The following SPTB variants were observed in gnomAD, a reference collection of about 807,000 sequenced individuals.
SPTB encodes the protein spectrin beta, erythrocytic, also known as spectrin beta chain, erythrocytic.
In SPTB, 45 loss-of-function variants were observed where a neutral mutation model predicts 256.2. The observed-to-expected ratio is 0.18, with a 90% CI of 0.14 to 0.23. SPTB has a LOEUF of 0.23. Among genes scored for constraint, SPTB ranks in the 10% least tolerant of loss-of-function variants. The pLI, the probability that SPTB is intolerant of heterozygous loss-of-function variation, is 1.00. For missense variants in SPTB, 2,715 were observed against 3,040.4 expected (o/e 0.89, Z 2.52); for synonymous variants, 1,231 against 1,243.1 (o/e 0.99, Z 0.21).
intron 1 of SPTB, among the ~76,000 whole-genome samples, chr14:64,876,652 C>T (rs970059283): frequency 3.3e-5 from 5 of 152,172 alleles, no homozygotes; most frequent in Non-Finnish European, 7.3e-5. Flanking sequence ...AAAATGTATA[C>T]ATGTGTACAC....
chr14:64,796,521 C>G lies in SPTB; in HGVS notation c.1341+36G>C. On this transcript the variant is annotated intron_variant, in intron 11 of 35. Transcript: ENST00000644917. The surrounding 1 kb of genome is among the most constrained non-coding windows in gnomAD (Gnocchi z 4.1). Reference sequence around the variant, plus strand: ...AAGAGCTGGGGGCTCTGAAGAATGTCCCCTCTCCTGTCACCCAAAGCATGT... The same window carrying G: ...AAGAGCTGGGGGCTCTGAAGAATGTGCCCTCTCCTGTCACCCAAAGCATGT... The G allele has an allele frequency of 6.2e-7, 1 of 1,613,848 alleles. No homozygotes were observed. The highest frequency in any genetic ancestry group is 8.5e-7 in the Non-Finnish European group (1 of 1,179,996).
Position 64,779,195 on chromosome 14 carries a change from T to C in SPTB, c.4525A>G (p.Asn1509Asp). Residue 1509 changes from asparagine to aspartate, a missense_variant, in exon 22 of 36, where the codon AAT becomes GAT. Around this residue, in one of 4 missense-constraint regions of SPTB, gnomAD observed 2,239 missense variants for 2,384.4 expected, o/e 0.94. Coordinates refer to ENST00000644917, the MANE Select transcript of SPTB (RefSeq NM_001355436.2). The surrounding 1 kb of genome is among the most constrained non-coding windows in gnomAD (Gnocchi z 4.2). Reference sequence around the variant, plus strand: ...ATGAACAGTTGCACAGTTTGCAGATTAGTGCCATAGTCGGCTGACTGGGCC... The same window carrying C: ...ATGAACAGTTGCACAGTTTGCAGATCAGTGCCATAGTCGGCTGACTGGGCC... ...PLAQSADYGTNLQTVQLFMKK... is the reference protein window; with the variant it reads ...PLAQSADYGTDLQTVQLFMKK... 10 of 1,614,040 alleles carry C rather than the reference T, an allele frequency of 6.2e-6. No homozygotes were observed. Among genetic ancestry groups the C allele is most frequent in the Non-Finnish European group, 8.5e-6 (10 of 1,179,982 alleles).
In SPTB at chr14:64,782,653, TA is replaced by T; in HGVS notation, c.4003-101del. On this transcript the variant is annotated intron_variant, in intron 19 of 35. Coordinates refer to ENST00000644917, the MANE Select transcript of SPTB (RefSeq NM_001355436.2). ...AAGAGGCTACCCAAGAGGAGGTCAGTAAGGCAAAGAATCTTCATAGAACATG... is the reference window on the plus strand; with the variant it reads ...AAGAGGCTACCCAAGAGGAGGTCAGTAGGCAAAGAATCTTCATAGAACATG... The T allele has an allele frequency of 4.5e-6, 7 of 1,541,152 alleles. No individual in the cohort carries two copies. The South Asian group carries it at 7.9e-5, about 17-fold the overall frequency.
chr14:64,814,743 C>T (rs1299570905), intron 2 of SPTB, among the ~76,000 whole-genome samples: 1 of 152,180 alleles, frequency 6.6e-6, no homozygotes, highest in Non-Finnish European at 1.5e-5. Flanking sequence ...TCTCGAGCTC[C>T]TGGCCTCCCC....
intron 1 of SPTB, among the ~76,000 whole-genome samples, chr14:64,828,534 G>A (rs1336361065): frequency 1.3e-5 from 2 of 152,072 alleles, no homozygotes; most frequent in Non-Finnish European, 2.9e-5. Context: ...AGTAATTGTG[G>A]GTTTTGCCAT....
Position 64,802,436 on chromosome 14 carries a change from T to C in SPTB, c.475-119A>G, listed in dbSNP as rs2082904143. The stretch of plus-strand genomic sequence containing the variant: ...CTTCACTTAACACTAATTCATCCTT[T>C]AAGAGCCAGTATAAATGGCGCTTGG... On this transcript the variant is annotated intron_variant, in intron 4 of 35. Transcript: ENST00000644917. This position sits in a 1 kb window ranked among gnomAD's most constrained non-coding sequence, Gnocchi z 5.1. The C allele has an allele frequency of 1.1e-6, 1 of 927,818 alleles. No homozygotes were observed. The highest frequency in any genetic ancestry group is 1.7e-6 in the Non-Finnish European group (1 of 585,252). 57.5% of individuals were successfully genotyped at this position (927,818 alleles called of 1,614,324 possible). A position where few individuals can be genotyped will look rare whatever the true frequency, so the allele number is the denominator to read the frequency against.
chr14:64,796,991 T>C lies in SPTB; in HGVS notation c.1183-276A>G, dbSNP rs981512741. ...CCCAAAATAATGTTTTTCACCTCTC[T>C]GGATGCTCAGTAAGTTCTTATTGAC... On this transcript the variant is annotated intron_variant, in intron 10 of 35. Coordinates refer to ENST00000644917, the MANE Select transcript of SPTB (RefSeq NM_001355436.2). The surrounding 1 kb of genome is among the most constrained non-coding windows in gnomAD (Gnocchi z 4.1). 6.6e-6 allele frequency among the ~76,000 whole-genome samples: 1 copy of C among 152,222 alleles called. No individual in the cohort carries two copies. The highest frequency in any genetic ancestry group is 2.4e-5 in the African/African-American group (1 of 41,460).
Position 64,749,205 on chromosome 14 carries a change from TC to T in SPTB, c.*100del, listed in dbSNP as rs2081900768. ...CCGGGGGCCCGGCCCGCGACTCGAC[TC>T]ATCTCGATTCGACCGGCGGGCGGCG... On this transcript the variant is annotated 3_prime_UTR_variant, in exon 36 of 36. Transcript: ENST00000644917. This position sits in a 1 kb window ranked among gnomAD's most constrained non-coding sequence, Gnocchi z 4.7. 7.0e-7 allele frequency: 1 copy of T among 1,420,364 alleles called. No individual in the cohort carries two copies. Among genetic ancestry groups the T allele is most frequent in the Admixed American group, 2.0e-5 (1 of 49,418 alleles). 88.0% of individuals were successfully genotyped at this position (1,420,364 alleles called of 1,614,324 possible). A position where few individuals can be genotyped will look rare whatever the true frequency, so the allele number is the denominator to read the frequency against.
intron 1 of SPTB, among the ~76,000 whole-genome samples, chr14:64,865,449 G>C (rs1882116193): frequency 6.6e-6 from 1 of 152,032 alleles, no homozygotes; most frequent in Non-Finnish European, 1.5e-5. Context: ...TTGAACCCTT[G>C]GGATCAACTC....
In SPTB at chr14:64,758,709, C is replaced by T. The variant is rs1002600700; in HGVS notation, c.6346-4916G>A. Reference sequence around the variant, plus strand: ...AGTTACTCTTGGGGTTCCCATCTGCCCAGGGAAAGTGCACAAACAGCAGAG... The same window carrying T: ...AGTTACTCTTGGGGTTCCCATCTGCTCAGGGAAAGTGCACAAACAGCAGAG... On this transcript the variant is annotated intron_variant, in intron 32 of 35. Transcript: ENST00000644917. This position sits in a 1 kb window ranked among gnomAD's most constrained non-coding sequence, Gnocchi z 4.6. Among the ~76,000 whole-genome samples the T allele has an allele frequency of 1.3e-5, 2 of 152,154 alleles. No individual in the cohort carries two copies. The highest frequency in any genetic ancestry group is 4.8e-5 in the African/African-American group (2 of 41,426).
chr14:64,840,590 G>T (rs1535450), intron 1 of SPTB, among the ~76,000 whole-genome samples: 43,618 of 152,068 alleles, frequency 0.29, 7,124 homozygotes, highest in East Asian at 0.61. Flanking sequence ...TTCCCAGAAA[G>T]AACTATGAGG....
Position 64,841,838 on chromosome 14 carries a change from G to A in SPTB, c.-51-18693C>T, listed in dbSNP as rs2083612665. 6.6e-6 allele frequency among the ~76,000 whole-genome samples: 1 copy of A among 152,172 alleles called. No homozygotes were observed. The highest frequency in any genetic ancestry group is 2.4e-5 in the African/African-American group (1 of 41,440). On this transcript the variant is annotated intron_variant, in intron 1 of 35. Transcript: ENST00000644917. This position sits in a 1 kb window ranked among gnomAD's most constrained non-coding sequence, Gnocchi z 4.6. ...AACCCCCGCGTATGGAACCAGAAGAGGGTTTCTTGCAGAAGGTGCCCCAAG... is the reference window on the plus strand; with the variant it reads ...AACCCCCGCGTATGGAACCAGAAGAAGGTTTCTTGCAGAAGGTGCCCCAAG...
At chr14:64,809,461 T>A (rs937166084) in intron 2 of SPTB, among the ~76,000 whole-genome samples, 1 of 151,700 alleles carries the variant, frequency 6.6e-6, no homozygotes, top group African/African-American at 2.4e-5. Flanking sequence ...TTCTCTTGCC[T>A]CAGCCTCCCA....
chr14:64,840,372 G>A (rs1469389311), intron 1 of SPTB, among the ~76,000 whole-genome samples: 2 of 152,236 alleles, frequency 1.3e-5, no homozygotes, highest in Non-Finnish European at 2.9e-5. Context: ...AGCCAAGAGA[G>A]CAAAGACTTT....
chr14:64,782,641 A>AGAG (rs1268326558), intron 19 of SPTB, 88 bp from the exon 20 acceptor site: 1 of 1,579,930 alleles, frequency 6.3e-7, no homozygotes, highest in African/African-American at 1.3e-5. Flanking sequence ...AGGCTACCCA[A>AGAG]GAGGAGGTCA....
In SPTB at chr14:64,793,750, C is replaced by A. The variant is rs371216825; in HGVS notation, c.1913G>T (p.Arg638Leu). The A allele has an allele frequency of 2.5e-6, 4 of 1,614,068 alleles. No individual in the cohort carries two copies. The highest frequency in any genetic ancestry group is 2.2e-5 in the East Asian group (1 of 44,896). The change falls in exon 14 of 36, where the codon CGA becomes CTA. Residue 638 changes from arginine to leucine, a missense_variant. By Grantham distance (102) the Arg-to-Leu change is moderately radical (BLOSUM62 -2). Around this residue, in one of 4 missense-constraint regions of SPTB, gnomAD observed 2,239 missense variants for 2,384.4 expected, o/e 0.94. Transcript: ENST00000644917. The surrounding 1 kb of genome is among the most constrained non-coding windows in gnomAD (Gnocchi z 7.0). ...CATCTCCCAGAAGAACTTCCAGAGT[C>A]GTTTGGACTGCTCCAGTTGGGCCTT... The part of the protein sequence containing the change: ...GRKAQLEQSK[R>L]LWKFFWEMDE...
intron 2 of SPTB, among the ~76,000 whole-genome samples, chr14:64,812,253 G>C (rs1695780): frequency 0.12 from 17,795 of 152,110 alleles, 1,808 homozygotes; most frequent in African/African-American, 0.27. Flanking sequence ...CCAGCCTAAA[G>C]AAAATATTAA....
At chr14:64,765,442 C>T (rs950161588) in intron 32 of SPTB, among the ~76,000 whole-genome samples, 1 of 152,144 alleles carries the variant, frequency 6.6e-6, no homozygotes, top group Non-Finnish European at 1.5e-5. Flanking sequence ...TCCTAAGGGG[C>T]CTGCTCCAGG....
intron 10 of SPTB, among the ~76,000 whole-genome samples, chr14:64,797,467 C>CAAA (rs57385615): frequency 0.03 from 931 of 31,010 alleles, 248 homozygotes; most frequent in Non-Finnish European, 0.035. Flanking sequence ...ACCCTGTCTC[C>CAAA]AAAAAAAAAA....
Sources: gnomAD v4.1 joint callset for allele counts (sites outside exome capture counted in the v4.1 genomes callset) on GRCh38, gnomAD v4.1.1 for gene constraint, gnomAD v4.1.1 regional missense constraint, Gnocchi (gnomAD v3.1) non-coding constraint, MANE v1.5 for transcripts, NCBI Gene and HGNC (gene_info 2026-07-23, HGNC 2026-07-21) for gene names.